ADAMTSL1: variants seen among roughly 807,000 people sequenced by gnomAD.
ADAMTSL1 encodes the protein ADAMTS like 1.
ADAMTSL1 carries 126 observed loss-of-function variants against 201.8 expected under a neutral mutation model. The ratio of observed to expected loss-of-function variants is 0.62; its 90% CI spans 0.54 to 0.72. The LOEUF is 0.72. Ranked by LOEUF, ADAMTSL1 falls within the 30% of genes least tolerant of loss-of-function variation. The probability of loss-of-function intolerance (pLI) is 0.00; values close to 1 mark genes in which losing one functional copy is unlikely to be tolerated. For missense variants in ADAMTSL1, 2,679 were observed against 2,277.8 expected, an observed-to-expected ratio of 1.18 and a Z score of -3.59; for synonymous variants, 1,121 against 903.4, an observed-to-expected ratio of 1.24 and a Z score of -4.32.
chr9:18,697,453 T>G (rs1587924401), intron 13 of ADAMTSL1, among the ~76,000 whole-genome samples: 1 of 152,132 alleles, frequency 6.6e-6, no homozygotes, highest in East Asian at 1.9e-4. Context: ...AGACCACCCC[T>G]GGAAATTTGC....
chr9:18,624,431 T>C (rs77788201), intron 5 of ADAMTSL1, among the ~76,000 whole-genome samples: 13,724 of 152,288 alleles, frequency 0.09, 780 homozygotes, highest in Middle Eastern at 0.17. Context: ...GAACTCTTCA[T>C]GGAATGCTAA....
At chr9:18,789,357 A>C (rs1407826374) in intron 19 of ADAMTSL1, among the ~76,000 whole-genome samples, 1 of 152,180 alleles carries the variant, frequency 6.6e-6, no homozygotes. Context: ...GGAAACTGTC[A>C]CTGAGAAGTT....
chr9:18,723,101 A>C (rs758140498), intron 15 of ADAMTSL1: 1 of 775,160 alleles, frequency 1.3e-6, no homozygotes, highest in South Asian at 1.4e-5. Context: ...TGCTGTCACC[A>C]ACTAGCTCTG....
intron 2 of ADAMTSL1, among the ~76,000 whole-genome samples, chr9:18,205,997 T>A (rs1829633105): frequency 1.5e-5 from 2 of 137,542 alleles, no homozygotes; most frequent in South Asian, 4.4e-4. Flanking sequence ...GAGTTTGCAG[T>A]GAGCTGAGAT....
intron 2 of ADAMTSL1, among the ~76,000 whole-genome samples, chr9:18,317,066 G>A (rs1834428247): frequency 1.3e-5 from 2 of 152,146 alleles, no homozygotes; most frequent in Non-Finnish European, 2.9e-5. Context: ...AGACAATCTT[G>A]TCATTTGTGA....
chr9:18,553,029 A>C (rs144322176), intron 3 of ADAMTSL1, among the ~76,000 whole-genome samples: 1 of 151,510 alleles, frequency 6.6e-6, no homozygotes, highest in Non-Finnish European at 1.5e-5. Context: ...ATTTATGGAT[A>C]TTTAATGTAA....
At chr9:18,392,070 C>T (rs564327958) in intron 2 of ADAMTSL1, among the ~76,000 whole-genome samples, 9 of 151,990 alleles carry the variant, frequency 5.9e-5, no homozygotes, top group Admixed American at 2.6e-4. Flanking sequence ...GTGATCCGCC[C>T]GCCTCGGCCT....
intron 3 of ADAMTSL1, among the ~76,000 whole-genome samples, chr9:18,572,346 A>G (rs1192235141): frequency 6.6e-6 from 1 of 151,964 alleles, no homozygotes; most frequent in Admixed American, 6.6e-5. Context: ...TAGCACACAT[A>G]TTTATTTATT....
chr9:18,579,761 A>G (rs1272576856), intron 4 of ADAMTSL1, among the ~76,000 whole-genome samples: 1 of 152,176 alleles, frequency 6.6e-6, no homozygotes. Context: ...AGGGCAGTGA[A>G]TTGCATCCTG....
intron 23 of ADAMTSL1, among the ~76,000 whole-genome samples, chr9:18,854,514 G>C (rs1407759351): frequency 1.3e-5 from 2 of 152,168 alleles, no homozygotes; most frequent in Non-Finnish European, 2.9e-5. Flanking sequence ...GTGTGAGGAA[G>C]ACTTTTCACA....
chr9:18,073,712 A>C (rs1385960948), intron 1 of ADAMTSL1, among the ~76,000 whole-genome samples: 2 of 152,226 alleles, frequency 1.3e-5, no homozygotes, highest in African/African-American at 4.8e-5. Context: ...GATAGAAGAC[A>C]ACATGGTGTA....
chr9:18,031,829 G>A (rs1257697810), intron 1 of ADAMTSL1, among the ~76,000 whole-genome samples: 4 of 152,208 alleles, frequency 2.6e-5, no homozygotes, highest in Non-Finnish European at 2.9e-5. Context: ...CTGGTCCTCT[G>A]AGCTTGGCAG....
At chr9:18,046,933 C>T (rs552020424) in intron 1 of ADAMTSL1, among the ~76,000 whole-genome samples, 10 of 152,100 alleles carry the variant, frequency 6.6e-5, no homozygotes, top group African/African-American at 2.4e-4. Flanking sequence ...TGCAGTATGT[C>T]AGCAATGGAA....
At chr9:18,495,058 A>G (rs779585582) in intron 1 of ADAMTSL1, among the ~76,000 whole-genome samples, 1 of 152,194 alleles carries the variant, frequency 6.6e-6, no homozygotes, top group African/African-American at 2.4e-5. Flanking sequence ...TGAAAGTAAG[A>G]TTGGACGGGG....
intron 2 of ADAMTSL1, among the ~76,000 whole-genome samples, chr9:18,168,292 G>A (rs1325314447): frequency 6.6e-6 from 1 of 151,764 alleles, no homozygotes; most frequent in African/African-American, 2.4e-5. Context: ...AACCCCACAA[G>A]GGTCCCTGGT....
intron 1 of ADAMTSL1, among the ~76,000 whole-genome samples, chr9:17,997,613 G>A (rs1819436670): frequency 6.6e-6 from 1 of 151,992 alleles, no homozygotes; most frequent in African/African-American, 2.4e-5. Context: ...ACACAGCGAT[G>A]CCTCTGTTTC....
At chr9:18,866,655 A>T (rs1827558386) in intron 23 of ADAMTSL1, among the ~76,000 whole-genome samples, 1 of 152,208 alleles carries the variant, frequency 6.6e-6, no homozygotes, top group African/African-American at 2.4e-5. Flanking sequence ...CCTCTACAGC[A>T]GAGGGACATT....
chr9:18,330,466 T>G (rs1834987282), intron 2 of ADAMTSL1, among the ~76,000 whole-genome samples: 1 of 151,846 alleles, frequency 6.6e-6, no homozygotes. Context: ...AAAAAAAAAC[T>G]AAAATCTCTC....
chr9:18,175,533 C>A (rs1828104777), intron 2 of ADAMTSL1, among the ~76,000 whole-genome samples: 1 of 152,210 alleles, frequency 6.6e-6, no homozygotes, highest in Admixed American at 6.5e-5. Flanking sequence ...TAACTCTAAT[C>A]TTGCTTCTGA....
Sources: allele counts gnomAD v4.1 joint callset (sites outside exome capture counted in the v4.1 genomes callset), GRCh38; gene constraint gnomAD v4.1.1; transcripts MANE v1.5; gene names NCBI Gene and HGNC (gene_info 2026-07-23, HGNC 2026-07-21).